AFF3: variants seen among roughly 807,000 people sequenced by gnomAD.
The protein encoded by AFF3 is ALF transcription elongation factor 3.
Under a neutral mutation model 129.7 loss-of-function variants are expected in AFF3, and 32 were observed. The observed-to-expected ratio is 0.25, with a 90% CI of 0.19 to 0.33. The LOEUF is 0.33. Among genes scored for constraint, AFF3 ranks in the 10% least tolerant of loss-of-function variants. AFF3 has a pLI of 1.00. For missense variants in AFF3, 1,373 were observed against 1,592.0 expected, an observed-to-expected ratio of 0.86 and a Z score of 2.34; for synonymous variants, 644 against 635.4, an observed-to-expected ratio of 1.01 and a Z score of -0.20.
intron 4 of AFF3, among the ~76,000 whole-genome samples, chr2:100,058,965 A>T (rs954317418): frequency 3.9e-5 from 6 of 152,154 alleles, no homozygotes; most frequent in African/African-American, 1.4e-4. Flanking sequence ...ATGAGCAAAC[A>T]TTCTTGGCCA....
intron 8 of AFF3, among the ~76,000 whole-genome samples, chr2:99,806,495 T>C (rs920664050): frequency 2.0e-5 from 3 of 152,150 alleles, no homozygotes; most frequent in African/African-American, 7.2e-5. Flanking sequence ...ACAAATTCAA[T>C]GCGATGCACC....
intron 8 of AFF3, among the ~76,000 whole-genome samples, chr2:99,780,881 C>G (rs963947944): frequency 2.0e-5 from 3 of 152,144 alleles, no homozygotes; most frequent in African/African-American, 7.2e-5. Flanking sequence ...TTTGACTTTT[C>G]CTGAGGTCTC....
intron 15 of AFF3, 114 bp downstream of exon 15, chr2:99,593,081 C>A (rs774840214): frequency 8.0e-7 from 1 of 1,255,704 alleles, no homozygotes; most frequent in African/African-American, 1.5e-5. Flanking sequence ...AAAACTCCTG[C>A]GGCAGCCTAC....
chr2:99,571,755 T>C (rs1421885862), intron 18 of AFF3, among the ~76,000 whole-genome samples: 1 of 152,224 alleles, frequency 6.6e-6, no homozygotes, highest in Non-Finnish European at 1.5e-5. Flanking sequence ...GAGTGATTTC[T>C]AGTGCTGTAC....
intron 13 of AFF3, among the ~76,000 whole-genome samples, chr2:99,619,100 AG>A (rs1289728628): frequency 6.6e-6 from 1 of 152,198 alleles, no homozygotes; most frequent in Non-Finnish European, 1.5e-5. Context: ...AGAGACTGCA[AG>A]GACCCAGAGA....
At chr2:100,120,755 G>A (rs1180640581) in intron 2 of AFF3, among the ~76,000 whole-genome samples, 1 of 151,918 alleles carries the variant, frequency 6.6e-6, no homozygotes, top group East Asian at 1.9e-4. Context: ...TGAACTCTTG[G>A]GCTCAAGCGA....
intron 7 of AFF3, among the ~76,000 whole-genome samples, chr2:99,895,331 T>C (rs903525799): frequency 2.0e-5 from 3 of 152,250 alleles, no homozygotes; most frequent in Admixed American, 6.5e-5. Context: ...GTAAAAATCA[T>C]GTAAACATTT....
chr2:99,619,821 C>A (rs1261583644), intron 13 of AFF3, among the ~76,000 whole-genome samples: 1 of 152,182 alleles, frequency 6.6e-6, no homozygotes, highest in Non-Finnish European at 1.5e-5. Context: ...CTAAGTAGAT[C>A]ACCCCTCACT....
intron 8 of AFF3, among the ~76,000 whole-genome samples, chr2:99,767,010 G>A (rs1683075525): frequency 6.6e-6 from 1 of 152,218 alleles, no homozygotes; most frequent in Non-Finnish European, 1.5e-5. Flanking sequence ...TGACAACACA[G>A]ACACAGTTCC....
rs186539564 is a variant in AFF3 at position 99,587,786 on chromosome 2, C to T, written c.2467-508G>A. On this transcript the variant is annotated intron_variant, in intron 15 of 24. Transcript: ENST00000672756. The stretch of plus-strand genomic sequence containing the variant: ...CAGCACTTTGGGAGGCCGAGGCAGG[C>T]GAATCACGAGGTCAGGAGATCAACA... 5.9e-3 allele frequency among the ~76,000 whole-genome samples: 894 copies of T among 150,494 alleles called. 16 individuals are homozygous for T. The highest frequency in any genetic ancestry group is 0.021 in the African/African-American group (845 of 40,920).
chr2:99,787,018 TGA>T (rs1189420377), intron 8 of AFF3, among the ~76,000 whole-genome samples: 1 of 152,164 alleles, frequency 6.6e-6, no homozygotes, highest in Non-Finnish European at 1.5e-5. Context: ...CAGTGTTCAG[TGA>T]GAGACTTAAT....
At chr2:99,932,427 T>A (rs924933506) in intron 7 of AFF3, among the ~76,000 whole-genome samples, 1 of 152,180 alleles carries the variant, frequency 6.6e-6, no homozygotes, top group African/African-American at 2.4e-5. Context: ...AAAACAAGAT[T>A]TGCACACAGA....
At position 99,719,128 on chromosome 2, in the gene AFF3, GT is replaced by G. The variant is rs372334851; in HGVS notation, c.1091+7948del. Among the ~76,000 whole-genome samples, 48 of 137,228 alleles carry G rather than the reference GT, an allele frequency of 3.5e-4. No individual in the cohort carries two copies. The East Asian group carries it at 5.2e-3, about 15-fold the overall frequency. The allele number at this position is 137,228 out of a possible 152,430, so 90.0% of individuals were successfully genotyped here. A position where few individuals can be genotyped will look rare whatever the true frequency, so the allele number is the denominator to read the frequency against. On this transcript the variant is annotated intron_variant, in intron 11 of 24. Transcript: ENST00000672756. ...CTTCTAGTCCTAGTTGGCTGGGAGT[GT>G]TTTTTTTTTCTTTTTAAATCATGAA...
chr2:99,754,236 A>G (rs552517823), intron 8 of AFF3, among the ~76,000 whole-genome samples: 220 of 152,348 alleles, frequency 1.4e-3, no homozygotes, highest in Non-Finnish European at 2.5e-3. Flanking sequence ...TTCATCAATT[A>G]CAAACTATTA....
chr2:99,808,134 CTGTT>C (rs1292937534), intron 8 of AFF3, among the ~76,000 whole-genome samples: 2 of 152,184 alleles, frequency 1.3e-5, no homozygotes, highest in Non-Finnish European at 2.9e-5. Flanking sequence ...CGGAAGAACT[CTGTT>C]TGATTAGAAT....
At chr2:100,133,772 C>A (rs1692525751) in intron 1 of AFF3, among the ~76,000 whole-genome samples, 1 of 151,980 alleles carries the variant, frequency 6.6e-6, no homozygotes, top group Non-Finnish European at 1.5e-5. Flanking sequence ...CTCTACTAAA[C>A]ATACACAAAA....
chr2:100,020,841 G>A (rs957930966), intron 4 of AFF3, among the ~76,000 whole-genome samples: 8 of 152,202 alleles, frequency 5.3e-5, no homozygotes, highest in Middle Eastern at 3.4e-3. Flanking sequence ...TCCTACCCCA[G>A]CCCATTCGCT....
At chr2:100,083,967 C>T (rs1261815382) in intron 4 of AFF3, among the ~76,000 whole-genome samples, 17 of 152,134 alleles carry the variant, frequency 1.1e-4, no homozygotes, top group Non-Finnish European at 2.9e-5. Context: ...GTGAAAGCCA[C>T]AAAGTTCTAT....
At chr2:99,904,444 T>C (rs1046304371) in intron 7 of AFF3, among the ~76,000 whole-genome samples, 1 of 152,096 alleles carries the variant, frequency 6.6e-6, no homozygotes, top group Non-Finnish European at 1.5e-5. Context: ...AAATACACTC[T>C]GCCTTGGGGC....
Sources: gnomAD v4.1 joint callset for allele counts (sites outside exome capture counted in the v4.1 genomes callset) on GRCh38, gnomAD v4.1.1 for gene constraint, MANE v1.5 for transcripts, NCBI Gene and HGNC (gene_info 2026-07-23, HGNC 2026-07-21) for gene names.